The following DSCAML1 variants were observed in gnomAD, a reference collection of about 807,000 sequenced individuals.
The protein encoded by DSCAML1 is cell adhesion molecule DSCAML1.
DSCAML1 carries 38 observed loss-of-function variants against 200.5 expected under a neutral mutation model. The ratio of observed to expected loss-of-function variants is 0.19; its 90% CI spans 0.15 to 0.25. The LOEUF (loss-of-function observed/expected upper bound fraction) is 0.25. Ranked by LOEUF, DSCAML1 falls within the 10% of genes least tolerant of loss-of-function variation. The pLI is 1.00. For synonymous variants in DSCAML1, 1,215 were observed against 1,165.0 expected, an observed-to-expected ratio of 1.04 and a Z score of -0.87; for missense variants, 2,223 against 2,858.8, an observed-to-expected ratio of 0.78 and a Z score of 5.07.
rs985357038 is a variant in DSCAML1 at position 117,516,246 on chromosome 11, C to T, written c.1783+221G>A. On this transcript the variant is annotated intron_variant, in intron 8 of 32. Transcript: ENST00000651296. This position sits in a 1 kb window ranked among gnomAD's most constrained non-coding sequence, Gnocchi z 5.7. ...CTGGGGTGTGTGCTGTCTTATTCTGCAGCCCGAGGAGGACCCCGGATGTAG... is the reference window on the plus strand; with the variant it reads ...CTGGGGTGTGTGCTGTCTTATTCTGTAGCCCGAGGAGGACCCCGGATGTAG... Among the ~76,000 whole-genome samples the T allele has an allele frequency of 6.6e-6, 1 of 152,220 alleles. No individual in the cohort carries two copies. Among genetic ancestry groups the T allele is most frequent in the Non-Finnish European group, 1.5e-5 (1 of 68,034 alleles).
chr11:117,520,626 TA>T (rs565011943), intron 6 of DSCAML1, among the ~76,000 whole-genome samples: 102 of 140,992 alleles, frequency 7.2e-4, no homozygotes, highest in Admixed American at 9.2e-4. Flanking sequence ...GTAACATCAT[TA>T]AAAAAAAAAA....
At chr11:117,595,494 A>G (rs2051347288) in intron 3 of DSCAML1, among the ~76,000 whole-genome samples, 1 of 152,130 alleles carries the variant, frequency 6.6e-6, no homozygotes, top group South Asian at 2.1e-4. Context: ...TTTATTTTGC[A>G]TCCTCAAATC....
intron 3 of DSCAML1, among the ~76,000 whole-genome samples, chr11:117,541,959 G>A (rs1399677744): frequency 2.0e-5 from 3 of 152,210 alleles, no homozygotes; most frequent in Non-Finnish European, 2.9e-5. Context: ...CTGGTTTCAG[G>A]ATGGAACCAC....
rs552390418 is a variant in DSCAML1 at position 117,646,241 on chromosome 11, C to A, written c.512-113719G>T. On this transcript the variant is annotated intron_variant, in intron 3 of 32. Transcript: ENST00000651296. ...AATATAGTCTGCAGCCGTGGCCTGG[C>A]CAGATGGGAAGGGAGGGAGGTGGCT... 2.9e-3 allele frequency among the ~76,000 whole-genome samples: 446 copies of A among 151,948 alleles called. 3 individuals carry two copies. Among genetic ancestry groups the A allele is most frequent in the African/African-American group, 0.01 (427 of 41,418 alleles).
intron 20 of DSCAML1, among the ~76,000 whole-genome samples, chr11:117,444,833 C>A (rs1257758738): frequency 3.3e-5 from 5 of 152,154 alleles, no homozygotes; most frequent in African/African-American, 4.8e-5. Context: ...AGTTTGCAGA[C>A]CTCCTGTCAG....
chr11:117,631,453 C>T (rs189734529), intron 3 of DSCAML1, among the ~76,000 whole-genome samples: 1 of 152,328 alleles, frequency 6.6e-6, no homozygotes, highest in African/African-American at 2.4e-5. Context: ...CTGGCACACC[C>T]CAAACAGTCT....
In DSCAML1 at chr11:117,686,321, A is replaced by G. The variant is rs1318288494; in HGVS notation, c.511+90470T>C. ...CTCATACCGCCCTCTGTTGAGTCTC[A>G]GGTGGGATTAGTTCCCAGAGGACAG... On this transcript the variant is annotated intron_variant, in intron 3 of 32. Coordinates refer to ENST00000651296, the MANE Select transcript of DSCAML1 (RefSeq NM_020693.4). Among the ~76,000 whole-genome samples the G allele has an allele frequency of 2.0e-5, 3 of 152,354 alleles. No homozygotes were observed. In the East Asian group the frequency reaches 5.8e-4, roughly 29 times the overall value.
At chr11:117,430,691 G>T (rs757167476) in intron 32 of DSCAML1, 31 bp downstream of exon 32, 2 of 1,580,324 alleles carry the variant, frequency 1.3e-6, no homozygotes, top group South Asian at 1.2e-5. Context: ...GGGCGGGGGG[G>T]CACTGCCTGG....
intron 1 of DSCAML1, among the ~76,000 whole-genome samples, chr11:117,803,716 C>A (rs2055682324): frequency 6.6e-6 from 1 of 152,182 alleles, no homozygotes; most frequent in Non-Finnish European, 1.5e-5. Flanking sequence ...TCCCCGCTTG[C>A]CTCAGAGGTC....
intron 3 of DSCAML1, among the ~76,000 whole-genome samples, chr11:117,683,316 T>C (rs1238610122): frequency 6.6e-6 from 1 of 152,222 alleles, no homozygotes; most frequent in Non-Finnish European, 1.5e-5. Context: ...CCAGCCTGCA[T>C]CTTTTCTCTA....
At position 117,780,372 on chromosome 11, in the gene DSCAML1, A is replaced by C. The variant is rs1304919706; in HGVS notation, c.364+121T>G. On this transcript the variant is annotated intron_variant, in intron 2 of 32. Coordinates refer to ENST00000651296, the MANE Select transcript of DSCAML1 (RefSeq NM_020693.4). This position sits in a 1 kb window ranked among gnomAD's most constrained non-coding sequence, Gnocchi z 4.8. ...ACAGCAAGTGGTACAACAAAGATTC[A>C]AAAGAGAACAACAAAACTGTTCTTG... 7 of 850,946 alleles carry C rather than the reference A, an allele frequency of 8.2e-6. No homozygotes were observed. Among genetic ancestry groups the C allele is most frequent in the East Asian group, 3.0e-5 (1 of 32,994 alleles). The allele number at this position is 850,946 out of a possible 1,614,324, so 52.7% of individuals were successfully genotyped here.
chr11:117,699,509 C>T (rs1436479641), intron 3 of DSCAML1, among the ~76,000 whole-genome samples: 1 of 152,222 alleles, frequency 6.6e-6, no homozygotes, highest in Non-Finnish European at 1.5e-5. Context: ...GTGGCAGTCA[C>T]AGGAGAGTGC....
intron 3 of DSCAML1, among the ~76,000 whole-genome samples, chr11:117,584,067 T>C (rs191030218): frequency 0.013 from 1,974 of 150,534 alleles, 24 homozygotes; most frequent in Non-Finnish European, 0.02. Context: ...CACCCCCTCC[T>C]CTCCTACCCC....
chr11:117,526,864 A>G (rs2049987187), intron 4 of DSCAML1, among the ~76,000 whole-genome samples: 1 of 151,976 alleles, frequency 6.6e-6, no homozygotes, highest in African/African-American at 2.4e-5. Context: ...TAGGTCAGGC[A>G]TAGTAGCTCA....
At position 117,437,424 on chromosome 11, in the gene DSCAML1, G is replaced by GGA; in HGVS notation, c.4433-17_4433-16dup. On this transcript the variant is annotated splice_polypyrimidine_tract_variant and intron_variant, in intron 25 of 32. Coordinates refer to ENST00000651296, the MANE Select transcript of DSCAML1 (RefSeq NM_020693.4). The surrounding 1 kb of genome is among the most constrained non-coding windows in gnomAD (Gnocchi z 5.3). ...GAAGGAGGGCTCTGGCAGGCCGGAG[G>GGA]GAGAGAGAGAGGTTAGAGAGATTTG... 3 of 1,607,502 alleles carry GGA rather than the reference G, an allele frequency of 1.9e-6. No homozygotes were observed. The highest frequency in any genetic ancestry group is 2.2e-5 in the East Asian group (1 of 44,752).
upstream of DSCAML1, chr11:117,801,036 T>G (rs575386703): frequency 6.6e-6 from 1 of 152,230 alleles, no homozygotes; most frequent in East Asian, 1.9e-4. Context: ...TGTGAAAAAC[T>G]TAACTTTTGG....
At chr11:117,531,926 A>AAGGGAGG (rs1273586205) in intron 4 of DSCAML1, among the ~76,000 whole-genome samples, 63 of 91,836 alleles carry the variant, frequency 6.9e-4, no homozygotes, top group Middle Eastern at 6.8e-3. Flanking sequence ...AAGGGAAGGG[A>AAGGGAGG]AGGGAGGAGG....
intron 3 of DSCAML1, among the ~76,000 whole-genome samples, chr11:117,749,930 T>C (rs73585246): frequency 0.017 from 2,630 of 152,314 alleles, 65 homozygotes; most frequent in African/African-American, 0.059. Context: ...CAGTGGAGAC[T>C]GTAAGCAGGG....
Position 117,504,899 on chromosome 11 carries a change from G to A in DSCAML1, c.2182+25C>T, listed in dbSNP as rs1400924773. The A allele has an allele frequency of 6.3e-6, 10 of 1,584,836 alleles. No individual in the cohort carries two copies. Among genetic ancestry groups the A allele is most frequent in the Non-Finnish European group, 8.6e-6 (10 of 1,161,102 alleles). On this transcript the variant is annotated intron_variant, in intron 10 of 32. Transcript: ENST00000651296. This position sits in a 1 kb window ranked among gnomAD's most constrained non-coding sequence, Gnocchi z 5.0. ...GTTCCCCGTCCCTGCCCTTCTTGGA[G>A]ATTCTGGCTGGGCCAGGGGCTTACC... is the stretch of plus-strand genomic sequence containing the variant.
Sources: allele counts gnomAD v4.1 joint callset (sites outside exome capture counted in the v4.1 genomes callset), GRCh38; gene constraint gnomAD v4.1.1; non-coding constraint Gnocchi (gnomAD v3.1); transcripts MANE v1.5; gene names NCBI Gene and HGNC (gene_info 2026-07-23, HGNC 2026-07-21).